Variants in SLC9A9 observed in about 807,000 individuals in gnomAD.
The protein encoded by SLC9A9 is sodium/hydrogen exchanger 9.
SLC9A9 carries 62 observed loss-of-function variants against 77.8 expected under a neutral mutation model. The observed-to-expected ratio is 0.80, with a 90% CI of 0.65 to 0.98. The LOEUF is 0.98. Among genes scored for constraint, SLC9A9 ranks in the 50% least tolerant of loss-of-function variants. SLC9A9 has a pLI of 0.00. For synonymous variants in SLC9A9, 320 were observed against 283.5 expected, an observed-to-expected ratio of 1.13 and a Z score of -1.29; for missense variants, 775 against 774.9, an observed-to-expected ratio of 1.00 and a Z score of 0.00.
At chr3:143,595,849 G>A (rs1413400713) in intron 6 of SLC9A9, among the ~76,000 whole-genome samples, 1 of 152,180 alleles carries the variant, frequency 6.6e-6, no homozygotes, top group Non-Finnish European at 1.5e-5. Flanking sequence ...GTTTAAATGA[G>A]GAACAGGTTT....
At chr3:143,547,551 C>G (rs959649480) in intron 9 of SLC9A9, among the ~76,000 whole-genome samples, 1 of 152,212 alleles carries the variant, frequency 6.6e-6, no homozygotes, top group Non-Finnish European at 1.5e-5. Context: ...CTCATTTGGG[C>G]TCTCCATGAC....
intron 12 of SLC9A9, among the ~76,000 whole-genome samples, chr3:143,391,076 C>A: frequency 6.6e-6 from 1 of 152,248 alleles, no homozygotes; most frequent in Non-Finnish European, 1.5e-5. Flanking sequence ...CTTAAATGTC[C>A]CTGTCTGACA....
chr3:143,686,976 G>A (rs1933292705), intron 5 of SLC9A9, among the ~76,000 whole-genome samples: 1 of 151,968 alleles, frequency 6.6e-6, no homozygotes, highest in African/African-American at 2.4e-5. Flanking sequence ...TTCTTTCCCT[G>A]TCCTGCCATT....
chr3:143,340,616 A>G (rs557371905), intron 14 of SLC9A9, among the ~76,000 whole-genome samples: 3 of 152,294 alleles, frequency 2.0e-5, no homozygotes, highest in South Asian at 4.1e-4. Context: ...TCACTTTGGT[A>G]CCGTCTTCAA....
At chr3:143,708,584 A>T (rs1465854253) in intron 4 of SLC9A9, among the ~76,000 whole-genome samples, 1 of 152,208 alleles carries the variant, frequency 6.6e-6, no homozygotes, top group Non-Finnish European at 1.5e-5. Context: ...CTGTATCCCC[A>T]GTCTCTATTC....
intron 4 of SLC9A9, among the ~76,000 whole-genome samples, chr3:143,701,285 CAT>C (rs1205840726): frequency 1.3e-5 from 2 of 152,106 alleles, no homozygotes; most frequent in South Asian, 4.1e-4. Context: ...CCGTGGAAAA[CAT>C]AACCTCACCA....
At chr3:143,373,799 C>A (rs747403849) in intron 13 of SLC9A9, among the ~76,000 whole-genome samples, 3 of 151,734 alleles carry the variant, frequency 2.0e-5, no homozygotes, top group Non-Finnish European at 2.9e-5. Flanking sequence ...TTAAAATAGA[C>A]TAATACCTAA....
intron 4 of SLC9A9, among the ~76,000 whole-genome samples, chr3:143,765,409 A>T (rs967400178): frequency 2.0e-5 from 3 of 152,166 alleles, no homozygotes; most frequent in African/African-American, 7.2e-5. Context: ...CTACTAGAAA[A>T]GATGGGGACC....
At chr3:143,346,742 G>A (rs985476653) in intron 14 of SLC9A9, among the ~76,000 whole-genome samples, 1 of 152,088 alleles carries the variant, frequency 6.6e-6, no homozygotes, top group Non-Finnish European at 1.5e-5. Flanking sequence ...GCCGTGAGCC[G>A]AGATAGTGCC....
intron 9 of SLC9A9, among the ~76,000 whole-genome samples, chr3:143,501,457 C>T (rs1205391328): frequency 6.6e-6 from 1 of 150,668 alleles, no homozygotes; most frequent in African/African-American, 2.5e-5. Context: ...GATAAAATTC[C>T]TGACATGAGT....
intron 11 of SLC9A9, among the ~76,000 whole-genome samples, chr3:143,488,013 A>C (rs1330505819): frequency 6.6e-6 from 1 of 151,856 alleles, no homozygotes; most frequent in Non-Finnish European, 1.5e-5. Context: ...AAGAAAAAAG[A>C]GAGAAGATTC....
At chr3:143,481,043 A>G (rs1391463113) in intron 11 of SLC9A9, among the ~76,000 whole-genome samples, 1 of 152,238 alleles carries the variant, frequency 6.6e-6, no homozygotes, top group African/African-American at 2.4e-5. Flanking sequence ...AGTGAAATGT[A>G]CAACTTTAGT....
chr3:143,754,781 A>G (rs2006868024), intron 4 of SLC9A9, among the ~76,000 whole-genome samples: 2 of 152,200 alleles, frequency 1.3e-5, no homozygotes, highest in Non-Finnish European at 2.9e-5. Context: ...TGGTTATCAC[A>G]GAAACTCCTC....
At chr3:143,585,202 G>A (rs2037521731) in intron 6 of SLC9A9, among the ~76,000 whole-genome samples, 1 of 152,194 alleles carries the variant, frequency 6.6e-6, no homozygotes, top group South Asian at 2.1e-4. Flanking sequence ...GGGCAGCTCA[G>A]TGCCTGTCAC....
At position 143,830,355 on chromosome 3, in the gene SLC9A9, C is replaced by A. The variant is rs139515621; in HGVS notation, c.378+1664G>T. Among the ~76,000 whole-genome samples the A allele has an allele frequency of 1.7e-3, 255 of 152,296 alleles. 1 individual carries two copies. Among genetic ancestry groups the A allele is most frequent in the Middle Eastern group, 6.8e-3 (2 of 294 alleles). On this transcript the variant is annotated intron_variant, in intron 2 of 15. Transcript: ENST00000316549. ...TCAAGTAAACATTTTATGTACCGAA[C>A]TTGCAGAGCTCATAATCCACTCACT... is the stretch of plus-strand genomic sequence containing the variant.
intron 14 of SLC9A9, among the ~76,000 whole-genome samples, chr3:143,324,215 T>A (rs1231116292): frequency 6.7e-6 from 1 of 149,104 alleles, no homozygotes; most frequent in Non-Finnish European, 1.5e-5. Context: ...ACTGAATTAG[T>A]GGGAGCAAGG....
intron 13 of SLC9A9, among the ~76,000 whole-genome samples, chr3:143,372,309 A>G (rs975142570): frequency 4.6e-5 from 7 of 152,222 alleles, no homozygotes; most frequent in Admixed American, 3.9e-4. Context: ...TGGACTTCCA[A>G]TTATACTACC....
intron 14 of SLC9A9, chr3:143,343,367 A>C (rs1306894585): frequency 6.6e-6 from 1 of 152,214 alleles, no homozygotes; most frequent in East Asian, 1.9e-4. Context: ...GTGGGAATGG[A>C]GGATGAGAGA....
rs112380254 is a variant in SLC9A9, at chr3:143,726,030, G to A, written c.534-32723C>T. ...TTCACCTATTGTACCTGGTAATGGT[G>A]AAATGTATATTTACTGTATAATTTT... On this transcript the variant is annotated intron_variant, in intron 4 of 15. Transcript: ENST00000316549. Among the ~76,000 whole-genome samples the A allele has an allele frequency of 4.7e-4, 72 of 152,036 alleles. 1 individual carries two copies. Among genetic ancestry groups the A allele is most frequent in the African/African-American group, 1.6e-3 (68 of 41,474 alleles).
Sources: allele counts gnomAD v4.1 joint callset (sites outside exome capture counted in the v4.1 genomes callset), GRCh38; gene constraint gnomAD v4.1.1; transcripts MANE v1.5; gene names NCBI Gene and HGNC (gene_info 2026-07-23, HGNC 2026-07-21).